Variants in RSU1 observed in about 807,000 individuals in gnomAD.
RSU1 encodes rsu-1.
In RSU1, 26 loss-of-function variants were observed where a neutral mutation model predicts 31.1. The ratio of observed to expected loss-of-function variants is 0.84; its 90% CI spans 0.61 to 1.16. The LOEUF (loss-of-function observed/expected upper bound fraction) is 1.16, where lower values mean the gene tolerates loss of function less well. Ranked by LOEUF, RSU1 falls within the 50% of genes most tolerant of loss-of-function variation. The probability of loss-of-function intolerance (pLI) is 0.00; values close to 1 mark genes in which losing one functional copy is unlikely to be tolerated. For missense variants in RSU1, 320 were observed against 339.1 expected, an observed-to-expected ratio of 0.94 and a Z score of 0.44; for synonymous variants, 164 against 136.3, an observed-to-expected ratio of 1.20 and a Z score of -1.41.
chr10:16,736,634 C>G (rs7916295), intron 7 of RSU1, among the ~76,000 whole-genome samples: 6 of 151,476 alleles, frequency 4.0e-5, no homozygotes, highest in Non-Finnish European at 5.9e-5. Flanking sequence ...AAACCAAAAA[C>G]CAAAAAACAA....
In RSU1 at chr10:16,598,646, C is replaced by T. The variant is rs150475032; in HGVS notation, c.732-5150G>A. ...TGAAGATGGGGAAAGGGGCTATGAA[C>T]CAAGGAACACAGGTGGTCTGTGTAA... On this transcript the variant is annotated intron_variant, in intron 8 of 8. Transcript: ENST00000345264. Among the ~76,000 whole-genome samples, 71 of 152,278 alleles carry T rather than the reference C, an allele frequency of 4.7e-4. 1 individual carries two copies. In the East Asian group the frequency reaches 8.9e-3, roughly 19 times the overall value.
chr10:16,786,142 A>G (rs1029878313), intron 2 of RSU1, among the ~76,000 whole-genome samples: 3 of 152,210 alleles, frequency 2.0e-5, no homozygotes, highest in Non-Finnish European at 4.4e-5. Context: ...CACACATCCT[A>G]CATCACGCAA....
At chr10:16,683,363 T>C (rs759572174) in intron 8 of RSU1, among the ~76,000 whole-genome samples, 1 of 152,198 alleles carries the variant, frequency 6.6e-6, no homozygotes, top group Non-Finnish European at 1.5e-5. Context: ...TATTTCATTC[T>C]ATTGTGTTTG....
At chr10:16,706,101 A>G (rs956351336) in intron 7 of RSU1, among the ~76,000 whole-genome samples, 9 of 152,228 alleles carry the variant, frequency 5.9e-5, no homozygotes, top group Non-Finnish European at 1.0e-4. Flanking sequence ...TGCTATAAAT[A>G]TGGCTGTACA....
intron 3 of RSU1, among the ~76,000 whole-genome samples, chr10:16,765,499 T>G (rs1453926030): frequency 3.9e-5 from 6 of 152,164 alleles, no homozygotes; most frequent in African/African-American, 1.2e-4. Context: ...ACCTGAAAGG[T>G]TCCTCCTTCC....
intron 3 of RSU1, among the ~76,000 whole-genome samples, chr10:16,776,503 A>C (rs559987626): frequency 1.5e-4 from 22 of 151,540 alleles, no homozygotes; most frequent in East Asian, 3.9e-4. Flanking sequence ...AAAAAAAAAA[A>C]CCCACATTTT....
In RSU1 at chr10:16,738,869, C is replaced by A. The variant is rs570035606; in HGVS notation, c.598+13670G>T. 9.2e-4 allele frequency among the ~76,000 whole-genome samples: 140 copies of A among 151,778 alleles called. 1 individual carries two copies. Among genetic ancestry groups the A allele is most frequent in the African/African-American group, 3.2e-3 (132 of 41,366 alleles). ...TGCTCTCCCTCTCCTTGCCCCCCACCCCCCCAGCGGACCCCAGGGTGTGAT... is the reference window on the plus strand; with the variant it reads ...TGCTCTCCCTCTCCTTGCCCCCCACACCCCCAGCGGACCCCAGGGTGTGAT... On this transcript the variant is annotated intron_variant, in intron 7 of 8. Coordinates refer to ENST00000345264, the MANE Select transcript of RSU1 (RefSeq NM_012425.4).
At chr10:16,631,392 G>C (rs567128251) in intron 8 of RSU1, among the ~76,000 whole-genome samples, 2 of 152,310 alleles carry the variant, frequency 1.3e-5, no homozygotes, top group African/African-American at 4.8e-5. Context: ...GAGTGCGCTT[G>C]TCCAGCGGTG....
At chr10:16,679,439 A>G (rs965835865) in intron 8 of RSU1, among the ~76,000 whole-genome samples, 1 of 152,210 alleles carries the variant, frequency 6.6e-6, no homozygotes, top group African/African-American at 2.4e-5. Context: ...AGCCACTGTT[A>G]TTATTAAAAT....
intron 8 of RSU1, among the ~76,000 whole-genome samples, chr10:16,616,684 C>T (rs976847245): frequency 3.3e-5 from 5 of 152,190 alleles, no homozygotes; most frequent in Admixed American, 6.5e-5. Flanking sequence ...AAGTAGGCTT[C>T]ACCCCTGGGA....
chr10:16,792,534 G>A (rs1182209925), intron 2 of RSU1, among the ~76,000 whole-genome samples: 1 of 152,142 alleles, frequency 6.6e-6, no homozygotes, highest in Non-Finnish European at 1.5e-5. Flanking sequence ...CCCGGCCAGG[G>A]CTTTTTCACA....
At chr10:16,687,742 T>G (rs984798634) in intron 8 of RSU1, among the ~76,000 whole-genome samples, 1 of 152,088 alleles carries the variant, frequency 6.6e-6, no homozygotes, top group Non-Finnish European at 1.5e-5. Flanking sequence ...TATTTTGAGA[T>G]AGGGTCTCAC....
intron 8 of RSU1, among the ~76,000 whole-genome samples, chr10:16,691,156 A>T (rs1219804228): frequency 6.6e-6 from 1 of 152,204 alleles, no homozygotes; most frequent in Non-Finnish European, 1.5e-5. Context: ...AAACGTTTTT[A>T]AAAAGTAGCC....
intron 8 of RSU1, among the ~76,000 whole-genome samples, chr10:16,656,042 CTA>C (rs1180988729): frequency 6.6e-6 from 1 of 151,812 alleles, no homozygotes; most frequent in Non-Finnish European, 1.5e-5. Flanking sequence ...TAAAACATTT[CTA>C]TGTTTTTAGC....
At chr10:16,707,279 T>C (rs1246795244) in intron 7 of RSU1, among the ~76,000 whole-genome samples, 3 of 152,204 alleles carry the variant, frequency 2.0e-5, no homozygotes, top group African/African-American at 7.2e-5. Context: ...CTGGATTGTA[T>C]GGTAGTCCTA....
chr10:16,817,083 G>C lies in RSU1; in HGVS notation c.-2C>G. Reference sequence around the variant, plus strand: ...CAACTTCTTCAGAGACTTGGACATGGTCTGCACCGAACAACAACAAAGCAC... The same window carrying C: ...CAACTTCTTCAGAGACTTGGACATGCTCTGCACCGAACAACAACAAAGCAC... On this transcript the variant is annotated splice_region_variant and 5_prime_UTR_variant, in exon 2 of 9. Coordinates refer to ENST00000345264, the MANE Select transcript of RSU1 (RefSeq NM_012425.4). 1.2e-6 allele frequency: 2 copies of C among 1,608,922 alleles called. No homozygotes were observed. The highest frequency in any genetic ancestry group is 1.1e-5 in the South Asian group (1 of 90,968).
rs563507199 is a variant in RSU1 at position 16,665,514 on chromosome 10, A to G, written c.731+29509T>C. ...TCAAAGCAAACATAGTTATCTCAAA[A>G]TCTGCATGAAGAACACAAACTTCCA... On this transcript the variant is annotated intron_variant, in intron 8 of 8. Coordinates refer to ENST00000345264, the MANE Select transcript of RSU1 (RefSeq NM_012425.4). Among the ~76,000 whole-genome samples the G allele has an allele frequency of 2.6e-4, 40 of 152,346 alleles. No individual in the cohort carries two copies. In the South Asian group the frequency reaches 7.5e-3, roughly 28 times the overall value.
chr10:16,710,651 A>G (rs978316196), intron 7 of RSU1, among the ~76,000 whole-genome samples: 6 of 151,986 alleles, frequency 3.9e-5, no homozygotes, highest in African/African-American at 1.2e-4. Flanking sequence ...TTCTTTGATG[A>G]AACATTTTTT....
At chr10:16,702,302 G>A (rs1051865072) in intron 7 of RSU1, among the ~76,000 whole-genome samples, 10 of 152,242 alleles carry the variant, frequency 6.6e-5, no homozygotes, top group Non-Finnish European at 1.3e-4. Context: ...AGTCTCCACT[G>A]AGGAACCGCC....
Sources: gnomAD v4.1 joint callset for allele counts (sites outside exome capture counted in the v4.1 genomes callset) on GRCh38, gnomAD v4.1.1 for gene constraint, MANE v1.5 for transcripts, NCBI Gene and HGNC (gene_info 2026-07-23, HGNC 2026-07-21) for gene names.